GAN: variants seen among roughly 807,000 people sequenced by gnomAD.
GAN encodes gigaxonin.
Under a neutral mutation model 71.3 loss-of-function variants are expected in GAN, and 48 were observed. That is an observed-to-expected ratio of 0.67 (90% confidence interval 0.53 to 0.86). The LOEUF is 0.86. GAN is among the 40% of genes least tolerant of loss of function. The pLI, the probability that GAN is intolerant of heterozygous loss-of-function variation, is 0.00. For synonymous variants in GAN, 386 were observed against 276.8 expected, an observed-to-expected ratio of 1.39 and a Z score of -3.92; for missense variants, 928 against 770.1, an observed-to-expected ratio of 1.21 and a Z score of -2.43.
In GAN at chr16:81,379,062, T is replaced by C. The variant is rs1285377150; in HGVS notation, c.*1466T>C. 1 of 152,120 alleles carries C rather than the reference T, an allele frequency of 6.6e-6. No individual in the cohort carries two copies. Among genetic ancestry groups the C allele is most frequent in the African/African-American group, 2.4e-5 (1 of 41,400 alleles). 9.4% of individuals were successfully genotyped at this position (152,120 alleles called of 1,614,324 possible). A position where few individuals can be genotyped will look rare whatever the true frequency, so the allele number is the denominator to read the frequency against. On this transcript the variant is annotated 3_prime_UTR_variant, in exon 11 of 11. Transcript: ENST00000648994. The stretch of plus-strand genomic sequence containing the variant: ...AAAGGTTTTTTTTTTCCTTTTGGAA[T>C]ATGGCTGTAAGAAGCAGCATTTTGT...
chr16:81,376,760 C>G (rs889692931), intron 9 of GAN, among the ~76,000 whole-genome samples: 8 of 152,052 alleles, frequency 5.3e-5, no homozygotes, highest in African/African-American at 1.9e-4. Context: ...CACCTGTAAT[C>G]TCAGCTACTT....
At chr16:81,366,162 T>C (rs983212298) in intron 9 of GAN, among the ~76,000 whole-genome samples, 1 of 152,194 alleles carries the variant, frequency 6.6e-6, no homozygotes, top group African/African-American at 2.4e-5. Context: ...CCTTCATCTA[T>C]GATTCCATGC....
chr16:81,365,343 C>T lies in GAN; in HGVS notation c.1374-7C>T. ...TGTGCCTGATAACGCTGTGTGTGGCCTTTCAGGTTTGGAGCGGTGGCCTGT... is the reference window on the plus strand; with the variant it reads ...TGTGCCTGATAACGCTGTGTGTGGCTTTTCAGGTTTGGAGCGGTGGCCTGT... On this transcript the variant is annotated splice_region_variant and splice_polypyrimidine_tract_variant and intron_variant, in intron 8 of 10. Transcript: ENST00000648994. 6.2e-7 allele frequency: 1 copy of T among 1,613,694 alleles called. No individual in the cohort carries two copies. The highest frequency in any genetic ancestry group is 8.5e-7 in the Non-Finnish European group (1 of 1,179,950).
rs1177220106 is a variant in GAN at position 81,383,241 on chromosome 16, T to C, written c.*5645T>C. On this transcript the variant is annotated 3_prime_UTR_variant, in exon 11 of 11. Transcript: ENST00000648994. ...TTAGTCAGAAATGACTGTTGCCCTCTCTTTTTTTTTTTTTTTTTTTTTTTT... is the reference window on the plus strand; with the variant it reads ...TTAGTCAGAAATGACTGTTGCCCTCCCTTTTTTTTTTTTTTTTTTTTTTTT... 2.8e-5 allele frequency: 4 copies of C among 140,984 alleles called. No homozygotes were observed. The highest frequency in any genetic ancestry group is 6.1e-5 in the Non-Finnish European group (4 of 65,370). The allele number at this position is 140,984 out of a possible 1,614,324, so 8.7% of individuals were successfully genotyped here.
At chr16:81,350,576 C>T (rs1910267541) in intron 1 of GAN, among the ~76,000 whole-genome samples, 1 of 150,382 alleles carries the variant, frequency 6.6e-6, no homozygotes, top group Non-Finnish European at 1.5e-5. Context: ...AGTGCAGTGG[C>T]ATTATCTCAG....
At chr16:81,327,874 C>A (rs1210652289) in intron 1 of GAN, among the ~76,000 whole-genome samples, 2 of 152,170 alleles carry the variant, frequency 1.3e-5, no homozygotes, top group Admixed American at 6.5e-5. Flanking sequence ...CTTTTAATAG[C>A]CTCCGAAATA....
intron 5 of GAN, 23 bp downstream of exon 5, chr16:81,357,954 C>T (rs1033961069): frequency 3.7e-6 from 6 of 1,604,064 alleles, no homozygotes; most frequent in Non-Finnish European, 5.1e-6. Context: ...GGCAAATTTT[C>T]CTTAAACAGC....
intron 1 of GAN, among the ~76,000 whole-genome samples, chr16:81,328,398 G>C (rs993708101): frequency 3.3e-5 from 5 of 152,062 alleles, no homozygotes; most frequent in African/African-American, 1.2e-4. Context: ...TCATATTACT[G>C]TTTCATATTC....
At position 81,354,646 on chromosome 16, in the gene GAN, C is replaced by T. The variant is rs745558424; in HGVS notation, c.524C>T (p.Pro175Leu). The T allele has an allele frequency of 8.7e-6, 14 of 1,613,224 alleles. No individual in the cohort carries two copies. In the East Asian group the frequency reaches 2.7e-4, roughly 31 times the overall value. ...ACGGAAGAATTCTTAGAGCTGAGTC[C>T]TCAAAAGCTTAAAGAAGTGATTTCT... The part of the protein sequence containing the change: ...SSTEEFLELS[P>L]QKLKEVISLE... Residue 175 changes from proline to leucine, a missense_variant, in exon 3 of 11, where the codon CCT becomes CTT. Physicochemically the swap from Pro to Leu is moderately conservative, Grantham distance 98. Coordinates refer to ENST00000648994, the MANE Select transcript of GAN (RefSeq NM_022041.4).
At chr16:81,345,822 C>T (rs1181557833) in intron 1 of GAN, among the ~76,000 whole-genome samples, 2 of 152,194 alleles carry the variant, frequency 1.3e-5, no homozygotes, top group Admixed American at 6.5e-5. Flanking sequence ...GTCTGCAAGA[C>T]GCATGCAAGT....
At position 81,389,437 on chromosome 16, in the gene GAN, C is replaced by A. The variant is rs944614376; in HGVS notation, c.*11841C>A. On this transcript the variant is annotated 3_prime_UTR_variant, in exon 11 of 11. Coordinates refer to ENST00000648994, the MANE Select transcript of GAN (RefSeq NM_022041.4). ...TTTGCAGCCACTGTTGGGGTGTGTA[C>A]CAGCAGCCTGGAAGTGACCAGCAGA... The A allele has an allele frequency of 4.6e-5, 7 of 152,176 alleles. No individual in the cohort carries two copies. Among genetic ancestry groups the A allele is most frequent in the Admixed American group, 3.9e-4 (6 of 15,278 alleles). 9.4% of individuals were successfully genotyped at this position (152,176 alleles called of 1,614,324 possible).
rs1471359534 is a variant in GAN at position 81,383,908 on chromosome 16, G to C, written c.*6312G>C. On this transcript the variant is annotated 3_prime_UTR_variant, in exon 11 of 11. Transcript: ENST00000648994. ...CTGGTTGGTGAATTATATTTATTAG[G>C]ATCTTATTTTTAGCATTTCATTACA... The C allele has an allele frequency of 1.3e-5, 2 of 152,000 alleles. No individual in the cohort carries two copies. The highest frequency in any genetic ancestry group is 4.8e-5 in the African/African-American group (2 of 41,378). The allele number at this position is 152,000 out of a possible 1,614,324, so 9.4% of individuals were successfully genotyped here. A position where few individuals can be genotyped will look rare whatever the true frequency, so the allele number is the denominator to read the frequency against.
At chr16:81,335,766 A>T (rs1177210984) in intron 1 of GAN, among the ~76,000 whole-genome samples, 1 of 151,502 alleles carries the variant, frequency 6.6e-6, no homozygotes, top group East Asian at 1.9e-4. Context: ...AAAAAAAAAA[A>T]TCCATTCAAA....
intron 9 of GAN, among the ~76,000 whole-genome samples, chr16:81,376,166 G>A (rs1904279035): frequency 6.6e-6 from 1 of 151,644 alleles, no homozygotes; most frequent in Non-Finnish European, 1.5e-5. Flanking sequence ...ATGGCACAAA[G>A]CTTTGGAAAG....
intron 1 of GAN, among the ~76,000 whole-genome samples, chr16:81,332,101 C>T (rs1000104563): frequency 4.1e-5 from 6 of 147,964 alleles, no homozygotes; most frequent in Admixed American, 6.9e-5. Context: ...GCAGAGGTTG[C>T]GGTGAGCCGA....
intron 9 of GAN, among the ~76,000 whole-genome samples, chr16:81,366,024 G>C (rs533171283): frequency 6.6e-6 from 1 of 152,154 alleles, no homozygotes; most frequent in South Asian, 2.1e-4. Flanking sequence ...AGCTCTGTTC[G>C]TATTGCTGCT....
Position 81,368,762 on chromosome 16 carries a change from T to C in GAN, c.1502+3284T>C, listed in dbSNP as rs1416839125. Among the ~76,000 whole-genome samples, 2 of 152,236 alleles carry C rather than the reference T, an allele frequency of 1.3e-5. 1 individual carries two copies. Among genetic ancestry groups the C allele is most frequent in the Non-Finnish European group, 2.9e-5 (2 of 68,034 alleles). Reference sequence around the variant, plus strand: ...CAGTTATTCCTGCATCTGTGTAGTGTCATTAGCCTCTGGCCAGCCTTGCCA... The same window carrying C: ...CAGTTATTCCTGCATCTGTGTAGTGCCATTAGCCTCTGGCCAGCCTTGCCA... On this transcript the variant is annotated intron_variant, in intron 9 of 10. Coordinates refer to ENST00000648994, the MANE Select transcript of GAN (RefSeq NM_022041.4).
intron 1 of GAN, among the ~76,000 whole-genome samples, chr16:81,345,318 A>G (rs1910082507): frequency 6.6e-6 from 1 of 152,230 alleles, no homozygotes; most frequent in South Asian, 2.1e-4. Flanking sequence ...TTGATGCGGC[A>G]CTATTCACAA....
At position 81,365,205 on chromosome 16, in the gene GAN, G is replaced by T; in HGVS notation, c.1373+95G>T. 14 of 1,566,884 alleles carry T rather than the reference G, an allele frequency of 8.9e-6. No individual in the cohort carries two copies. The African/African-American group carries it at 1.6e-4, about 18-fold the overall frequency. ...CTGGCTTTTGTTCTTTTCTTTCAGAGTAACCTTTTCTTTGACTTGGCATTT... is the reference window on the plus strand; with the variant it reads ...CTGGCTTTTGTTCTTTTCTTTCAGATTAACCTTTTCTTTGACTTGGCATTT... On this transcript the variant is annotated intron_variant, in intron 8 of 10. Coordinates refer to ENST00000648994, the MANE Select transcript of GAN (RefSeq NM_022041.4).
Sources: allele counts gnomAD v4.1 joint callset (sites outside exome capture counted in the v4.1 genomes callset), GRCh38; gene constraint gnomAD v4.1.1; transcripts MANE v1.5; gene names NCBI Gene and HGNC (gene_info 2026-07-23, HGNC 2026-07-21).